PTPRG: variants seen among roughly 807,000 people sequenced by gnomAD.
PTPRG encodes protein tyrosine phosphatase receptor type G, also known as receptor-type tyrosine-protein phosphatase gamma.
A neutral mutation model predicts 165.3 loss-of-function variants in PTPRG; 102 were observed. The observed-to-expected ratio is 0.62, with a 90% CI of 0.53 to 0.73. The LOEUF is 0.73. Ranked by LOEUF, PTPRG falls within the 30% of genes least tolerant of loss-of-function variation. The pLI, the probability that PTPRG is intolerant of heterozygous loss-of-function variation, is 0.00. For synonymous variants in PTPRG, 675 were observed against 669.5 expected (o/e 1.01, Z -0.13); for missense variants, 1,866 against 1,861.4 (o/e 1.00, Z -0.05).
chr3:62,246,296 C>A (rs1444035900), intron 15 of PTPRG, among the ~76,000 whole-genome samples: 2 of 152,190 alleles, frequency 1.3e-5, no homozygotes, highest in African/African-American at 2.4e-5. Context: ...ACGAGTGAGG[C>A]TCATCTGTTC....
rs1702149305 is a variant in PTPRG at position 62,273,773 on chromosome 3, C to A, written c.3394C>A (p.Leu1132Met). Reference sequence around the variant, plus strand: ...GGAGACTGAAGTATCTTCAAATCAGCTGCACAGCTATGTTAACAGCATCCT... The same window carrying A: ...GGAGACTGAAGTATCTTCAAATCAGATGCACAGCTATGTTAACAGCATCCT... Reference protein sequence around the residue: ...GKETEVSSNQLHSYVNSILIP... With the variant: ...GKETEVSSNQMHSYVNSILIP... Residue 1132 changes from leucine (L) to methionine (M), a missense_variant, in exon 23 of 30, where the codon CTG (leucine) becomes ATG (methionine). By Grantham distance (15) the Leu-to-Met change is conservative. Around this residue, in one of 3 missense-constraint regions of PTPRG, gnomAD observed 1,452 missense variants for 1,463.0 expected, o/e 0.99. Transcript: ENST00000474889. This position sits in a 1 kb window ranked among gnomAD's most constrained non-coding sequence, Gnocchi z 4.1. 2.5e-6 allele frequency: 4 copies of A among 1,613,728 alleles called. No homozygotes were observed. Among genetic ancestry groups the A allele is most frequent in the Non-Finnish European group, 2.5e-6 (3 of 1,179,686 alleles).
chr3:61,786,495 A>G (rs1299004682), intron 2 of PTPRG, among the ~76,000 whole-genome samples: 1 of 152,170 alleles, frequency 6.6e-6, no homozygotes. Flanking sequence ...AAAAATTTTT[A>G]AAGAGCCAGG....
chr3:62,258,579 A>C lies in PTPRG; in HGVS notation c.2559+3364A>C, dbSNP rs555828568. On this transcript the variant is annotated intron_variant, in intron 16 of 29. Coordinates refer to ENST00000474889, the MANE Select transcript of PTPRG (RefSeq NM_002841.4). ...AGTAAAAAAATGTTGGTGAATAACT[A>C]TCGTAGTTTCAGAACTTTACTGCTT... is the stretch of plus-strand genomic sequence containing the variant. Among the ~76,000 whole-genome samples, 26 of 152,346 alleles carry C rather than the reference A, an allele frequency of 1.7e-4. 2 individuals carry two copies. The South Asian group carries it at 4.8e-3, about 28-fold the overall frequency.
intron 1 of PTPRG, among the ~76,000 whole-genome samples, chr3:61,617,216 C>T (rs907406363): frequency 1.3e-5 from 2 of 152,156 alleles, no homozygotes; most frequent in Non-Finnish European, 1.5e-5. Context: ...TAGAAGGACC[C>T]GGATACAGAC....
intron 4 of PTPRG, among the ~76,000 whole-genome samples, chr3:62,033,487 G>T (rs9874977): frequency 6.7e-6 from 1 of 148,332 alleles, no homozygotes; most frequent in African/African-American, 2.5e-5. Flanking sequence ...CCTAAGCCTC[G>T]CAAGTAGCTA....
intron 9 of PTPRG, 42 bp downstream of exon 9, chr3:62,191,695 A>T: frequency 6.4e-7 from 1 of 1,563,592 alleles, no homozygotes; most frequent in South Asian, 1.1e-5. Flanking sequence ...TGCTGCAGAG[A>T]GGGACTCCTG....
At chr3:62,198,551 C>T (rs895624225) in intron 10 of PTPRG, among the ~76,000 whole-genome samples, 12 of 152,206 alleles carry the variant, frequency 7.9e-5, no homozygotes, top group Non-Finnish European at 1.2e-4. Context: ...TGGCAAAGCC[C>T]ATGGATCCTC....
At chr3:61,713,442 A>T (rs1241083772) in intron 1 of PTPRG, among the ~76,000 whole-genome samples, 3 of 151,258 alleles carry the variant, frequency 2.0e-5, no homozygotes, top group African/African-American at 7.3e-5. Context: ...AAGTGCTGGG[A>T]TTACAGGCAT....
At chr3:61,694,025 AAGAGAG>A (rs770989000) in intron 1 of PTPRG, among the ~76,000 whole-genome samples, 28 of 145,986 alleles carry the variant, frequency 1.9e-4, no homozygotes, top group African/African-American at 4.6e-4. Context: ...AAAAAAAAAA[AAGAGAG>A]AGAGAGAGAG....
chr3:61,866,114 T>C (rs651565), intron 2 of PTPRG, among the ~76,000 whole-genome samples: 28,302 of 152,078 alleles, frequency 0.19, 2,719 homozygotes, highest in African/African-American at 0.25. Flanking sequence ...CCTGCTCATA[T>C]GTGATATGGA....
intron 4 of PTPRG, among the ~76,000 whole-genome samples, chr3:62,060,318 G>A (rs901610648): frequency 1.3e-5 from 2 of 152,036 alleles, no homozygotes; most frequent in Non-Finnish European, 2.9e-5. Flanking sequence ...AAGAACTGCA[G>A]ATCAGGGACT....
Position 61,800,627 on chromosome 3 carries a change from C to G in PTPRG, c.190+51645C>G, listed in dbSNP as rs954686767. Among the ~76,000 whole-genome samples the G allele has an allele frequency of 4.0e-5, 6 of 150,086 alleles. No homozygotes were observed. The East Asian group carries it at 1.2e-3, about 29-fold the overall frequency. On this transcript the variant is annotated intron_variant, in intron 2 of 29. Transcript: ENST00000474889. ...ATAGGTGTGGAGAAAGAAGGGTGTT[C>G]CGTGGTGGGGACAGAACTGTGCACG...
chr3:61,828,057 A>G (rs2036163900), intron 2 of PTPRG, among the ~76,000 whole-genome samples: 1 of 152,214 alleles, frequency 6.6e-6, no homozygotes, highest in African/African-American at 2.4e-5. Flanking sequence ...TTCCACGTAC[A>G]GTAATTAGTT....
intron 5 of PTPRG, among the ~76,000 whole-genome samples, chr3:62,112,131 C>T (rs1443887951): frequency 6.6e-6 from 1 of 151,474 alleles, no homozygotes; most frequent in Non-Finnish European, 1.5e-5. Flanking sequence ...AATGGAGTTT[C>T]ACTCTGTCGC....
chr3:62,031,194 T>C (rs2107782343), intron 4 of PTPRG, among the ~76,000 whole-genome samples: 1 of 152,346 alleles, frequency 6.6e-6, no homozygotes. Flanking sequence ...GAACTCATAT[T>C]CTAATTACAA....
At chr3:62,020,021 G>A (rs112671486) in intron 4 of PTPRG, among the ~76,000 whole-genome samples, 3,340 of 152,052 alleles carry the variant, frequency 0.022, 55 homozygotes, top group South Asian at 0.06. Context: ...AATTTTAGGA[G>A]TATAGTAGTC....
intron 1 of PTPRG, among the ~76,000 whole-genome samples, chr3:61,709,402 C>T (rs752929187): frequency 1.3e-5 from 2 of 152,104 alleles, no homozygotes; most frequent in African/African-American, 4.8e-5. Flanking sequence ...GCAACGTCCA[C>T]CTCCTAGATT....
At chr3:61,656,313 G>A (rs1418265348) in intron 1 of PTPRG, among the ~76,000 whole-genome samples, 1 of 152,166 alleles carries the variant, frequency 6.6e-6, no homozygotes, top group Admixed American at 6.5e-5. Flanking sequence ...TGATGCAGAA[G>A]GTGAGGTGAC....
chr3:61,682,987 TCTTC>T (rs1422053971), intron 1 of PTPRG, among the ~76,000 whole-genome samples: 4 of 152,186 alleles, frequency 2.6e-5, no homozygotes, highest in Non-Finnish European at 5.9e-5. Flanking sequence ...TTTCTCTCTT[TCTTC>T]CTTCCTTAAT....
Sources: allele counts gnomAD v4.1 joint callset (sites outside exome capture counted in the v4.1 genomes callset), GRCh38; gene constraint gnomAD v4.1.1; regional missense constraint gnomAD v4.1.1; non-coding constraint Gnocchi (gnomAD v3.1); transcripts MANE v1.5; gene names NCBI Gene and HGNC (gene_info 2026-07-23, HGNC 2026-07-21).